CLMN: variants seen among roughly 807,000 people sequenced by gnomAD.
The protein encoded by CLMN is calmin.
In CLMN, 57 loss-of-function variants were observed where a neutral mutation model predicts 92.7. That is an observed-to-expected ratio of 0.61 (90% confidence interval 0.50 to 0.77). CLMN has a LOEUF of 0.77. Among genes scored for constraint, CLMN ranks in the 30% least tolerant of loss-of-function variants. The probability of loss-of-function intolerance (pLI) is 0.00; values close to 1 mark genes in which losing one functional copy is unlikely to be tolerated. For synonymous variants in CLMN, 466 were observed against 470.6 expected (o/e 0.99, Z 0.13); for missense variants, 1,158 against 1,237.5 (o/e 0.94, Z 0.96).
At chr14:95,306,666 G>A (rs1418075370) in intron 1 of CLMN, among the ~76,000 whole-genome samples, 3 of 152,282 alleles carry the variant, frequency 2.0e-5, no homozygotes, top group Admixed American at 6.5e-5. Flanking sequence ...AACAGCAGAC[G>A]ATATTTAATT....
chr14:95,194,492 A>G lies in CLMN; in HGVS notation c.2769+44T>C. The G allele has an allele frequency of 6.2e-7, 1 of 1,613,842 alleles. No homozygotes were observed. Among genetic ancestry groups the G allele is most frequent in the Non-Finnish European group, 8.5e-7 (1 of 1,179,780 alleles). On this transcript the variant is annotated intron_variant, in intron 11 of 12. Coordinates refer to ENST00000298912, the MANE Select transcript of CLMN (RefSeq NM_024734.4). This position sits in a 1 kb window ranked among gnomAD's most constrained non-coding sequence, Gnocchi z 4.0. Reference sequence around the variant, plus strand: ...GAGGAGGAAGGATGGAAAGGAATTGATTAGCAGGGGCCGTGCGGAAAGAGA... The same window carrying G: ...GAGGAGGAAGGATGGAAAGGAATTGGTTAGCAGGGGCCGTGCGGAAAGAGA...
intron 1 of CLMN, among the ~76,000 whole-genome samples, chr14:95,297,651 A>C (rs1210762697): frequency 6.6e-6 from 1 of 152,196 alleles, no homozygotes; most frequent in African/African-American, 2.4e-5. Context: ...ACGTAGTAGA[A>C]GGGTTTTGAG....
chr14:95,232,239 G>A (rs942391410), intron 1 of CLMN, among the ~76,000 whole-genome samples: 2 of 152,222 alleles, frequency 1.3e-5, no homozygotes, highest in Admixed American at 6.5e-5. Flanking sequence ...GCTGTGAGCT[G>A]CCACGCCTCC....
At chr14:95,223,108 G>C (rs1280525863) in intron 3 of CLMN, among the ~76,000 whole-genome samples, 1 of 152,212 alleles carries the variant, frequency 6.6e-6, no homozygotes, top group South Asian at 2.1e-4. Context: ...GAGATTGTTA[G>C]CTGTCACACC....
chr14:95,195,669 C>A (rs1343876679), intron 10 of CLMN, among the ~76,000 whole-genome samples: 1 of 152,194 alleles, frequency 6.6e-6, no homozygotes, highest in Non-Finnish European at 1.5e-5. Context: ...GTTACCTGGC[C>A]CCCTGACCTT....
intron 1 of CLMN, among the ~76,000 whole-genome samples, chr14:95,269,305 T>C (rs1899613649): frequency 6.6e-6 from 1 of 152,256 alleles, no homozygotes; most frequent in South Asian, 2.1e-4. Flanking sequence ...TACTGTGTTA[T>C]ATATGAATGT....
intron 8 of CLMN, among the ~76,000 whole-genome samples, chr14:95,204,826 T>C (rs1433173956): frequency 6.6e-6 from 1 of 152,202 alleles, no homozygotes; most frequent in Non-Finnish European, 1.5e-5. Flanking sequence ...TTGAGGACCA[T>C]GTTGCCTAGT....
chr14:95,194,519 G>A lies in CLMN; in HGVS notation c.2769+17C>T, dbSNP rs1435790387. On this transcript the variant is annotated intron_variant, in intron 11 of 12. Coordinates refer to ENST00000298912, the MANE Select transcript of CLMN (RefSeq NM_024734.4). The surrounding 1 kb of genome is among the most constrained non-coding windows in gnomAD (Gnocchi z 4.0). ...TAGCAGGGGCCGTGCGGAAAGAGAA[G>A]AAATTCACATACTAACCGATTCCGA... 6.2e-7 allele frequency: 1 copy of A among 1,614,070 alleles called. No homozygotes were observed. Among genetic ancestry groups the A allele is most frequent in the African/African-American group, 1.3e-5 (1 of 74,936 alleles).
intron 1 of CLMN, among the ~76,000 whole-genome samples, chr14:95,283,713 G>A (rs1293569746): frequency 6.6e-6 from 1 of 152,210 alleles, no homozygotes; most frequent in Non-Finnish European, 1.5e-5. Context: ...ACTTGAGAAA[G>A]ATGATTTAGG....
chr14:95,306,332 T>C (rs1266713567), intron 1 of CLMN, among the ~76,000 whole-genome samples: 1 of 152,032 alleles, frequency 6.6e-6, no homozygotes, highest in East Asian at 1.9e-4. Flanking sequence ...GCCTACACGG[T>C]GAAACCCCAT....
intron 1 of CLMN, among the ~76,000 whole-genome samples, chr14:95,254,478 T>G (rs925177635): frequency 6.6e-6 from 1 of 152,128 alleles, no homozygotes; most frequent in Non-Finnish European, 1.5e-5. Flanking sequence ...TGGAGCTGTG[T>G]AGAATATACC....
At chr14:95,317,893 T>C (rs559399240) in intron 1 of CLMN, among the ~76,000 whole-genome samples, 7 of 152,312 alleles carry the variant, frequency 4.6e-5, no homozygotes, top group African/African-American at 1.7e-4. Flanking sequence ...CAAAGCCTGT[T>C]GATGCTTAAA....
chr14:95,266,032 T>A (rs1566903894), intron 1 of CLMN, among the ~76,000 whole-genome samples: 1 of 152,166 alleles, frequency 6.6e-6, no homozygotes, highest in Non-Finnish European at 1.5e-5. Context: ...AGCTTTAGAT[T>A]TGAGTGGGAG....
chr14:95,300,449 C>T (rs111673572), intron 1 of CLMN, among the ~76,000 whole-genome samples: 23 of 152,320 alleles, frequency 1.5e-4, no homozygotes, highest in African/African-American at 5.5e-4. Flanking sequence ...CAGAACCTGC[C>T]TCCAACAGCA....
chr14:95,262,053 G>A (rs996942146), intron 1 of CLMN, among the ~76,000 whole-genome samples: 3 of 152,224 alleles, frequency 2.0e-5, no homozygotes, highest in South Asian at 2.1e-4. Context: ...CTGGGCCAGC[G>A]TCCACGCCTG....
chr14:95,208,234 G>A (rs1393309931), intron 8 of CLMN, among the ~76,000 whole-genome samples: 1 of 152,120 alleles, frequency 6.6e-6, no homozygotes, highest in Non-Finnish European at 1.5e-5. Flanking sequence ...ACAAGGCCAG[G>A]GACCTCAGCC....
At chr14:95,284,822 A>T (rs952734272) in intron 1 of CLMN, among the ~76,000 whole-genome samples, 1 of 152,018 alleles carries the variant, frequency 6.6e-6, no homozygotes, top group Non-Finnish European at 1.5e-5. Context: ...AAGACTTTGG[A>T]CTGTGGATTT....
chr14:95,220,709 C>T (rs2140615479), intron 4 of CLMN, among the ~76,000 whole-genome samples: 1 of 152,324 alleles, frequency 6.6e-6, no homozygotes, highest in Non-Finnish European at 1.5e-5. Context: ...TCCTCCTTTG[C>T]CCCTGGAATG....
Position 95,203,237 on chromosome 14 carries a change from G to A in CLMN, c.2112C>T (p.Ser704=), listed in dbSNP as rs140829875. The stretch of plus-strand genomic sequence containing the variant: ...AGGGCTTGAAATCCAGGCCTTCTTC[G>A]CTGTGACTCCCAAGGGTCTCCAAGC... ...CVSLETLGSH[S]EEGLDFKPSP... The change falls in exon 9 of 13, where the codon AGC becomes AGT. Residue 704 remains serine (S), a synonymous_variant. Transcript: ENST00000298912. 521 of 1,613,800 alleles carry A rather than the reference G, an allele frequency of 3.2e-4. 1 individual carries two copies. Among genetic ancestry groups the A allele is most frequent in the Middle Eastern group, 2.2e-3 (13 of 5,918 alleles).
Sources: allele counts gnomAD v4.1 joint callset (sites outside exome capture counted in the v4.1 genomes callset), GRCh38; gene constraint gnomAD v4.1.1; non-coding constraint Gnocchi (gnomAD v3.1); transcripts MANE v1.5; gene names NCBI Gene and HGNC (gene_info 2026-07-23, HGNC 2026-07-21).